Variants in SORCS1 observed in about 807,000 individuals in gnomAD.
SORCS1 encodes VPS10 domain-containing receptor SorCS1.
SORCS1 carries 60 observed loss-of-function variants against 146.1 expected under a neutral mutation model. That is an observed-to-expected ratio of 0.41 (90% confidence interval 0.33 to 0.51). SORCS1 has a LOEUF of 0.51. Among genes scored for constraint, SORCS1 ranks in the 20% least tolerant of loss-of-function variants. The pLI is 0.21. For synonymous variants in SORCS1, 637 were observed against 584.0 expected (o/e 1.09, Z -1.31); for missense variants, 1,352 against 1,487.6 (o/e 0.91, Z 1.50).
chr10:106,917,978 C>T (rs1371395774), intron 2 of SORCS1, among the ~76,000 whole-genome samples: 2 of 152,102 alleles, frequency 1.3e-5, no homozygotes. Flanking sequence ...TTTTGAACAT[C>T]CTTGGAACAG....
At chr10:106,829,908 G>C (rs929285619) in intron 2 of SORCS1, among the ~76,000 whole-genome samples, 1 of 152,164 alleles carries the variant, frequency 6.6e-6, no homozygotes, top group African/African-American at 2.4e-5. Context: ...CTTAATGTAC[G>C]CACATTGCAT....
chr10:107,152,019 C>T (rs545681908), intron 1 of SORCS1, among the ~76,000 whole-genome samples: 3 of 152,150 alleles, frequency 2.0e-5, no homozygotes, highest in Non-Finnish European at 4.4e-5. Flanking sequence ...GTGGACCAGG[C>T]CCAGAACCCA....
chr10:106,899,783 T>C (rs1462804565), intron 2 of SORCS1, among the ~76,000 whole-genome samples: 1 of 152,142 alleles, frequency 6.6e-6, no homozygotes, highest in Non-Finnish European at 1.5e-5. Flanking sequence ...CATAAGTTCC[T>C]GGCACCAGCA....
chr10:106,577,240 G>T lies in SORCS1; in HGVS notation c.*180C>A. ...CTCCATTCAAACATTTACATAGGTA[G>T]GGATTTCTTTTGTGCTTTGATTCTC... is the stretch of plus-strand genomic sequence containing the variant. On this transcript the variant is annotated 3_prime_UTR_variant, in exon 26 of 26. Transcript: ENST00000263054. 1 of 1,593,556 alleles carries T rather than the reference G, an allele frequency of 6.3e-7. No individual in the cohort carries two copies. Among genetic ancestry groups the T allele is most frequent in the Non-Finnish European group, 8.6e-7 (1 of 1,167,640 alleles).
At chr10:106,824,448 G>A (rs1463780037) in intron 3 of SORCS1, among the ~76,000 whole-genome samples, 3 of 151,922 alleles carry the variant, frequency 2.0e-5, no homozygotes, top group African/African-American at 7.3e-5. Flanking sequence ...AAATTAGCTG[G>A]GTGTGGTAGT....
rs1257045891 is a variant in SORCS1 at position 106,846,059 on chromosome 10, G to A, written c.627-16386C>T. Among the ~76,000 whole-genome samples the A allele has an allele frequency of 1.0e-4, 12 of 115,158 alleles. 2 individuals carry two copies. The highest frequency in any genetic ancestry group is 3.5e-4 in the South Asian group (1 of 2,882). 75.5% of individuals were successfully genotyped at this position (115,158 alleles called of 152,430 possible). On this transcript the variant is annotated intron_variant, in intron 2 of 25. Transcript: ENST00000263054. The stretch of plus-strand genomic sequence containing the variant: ...TCTTTTGGCTTAGGATTGACTTGGC[G>A]ATGCGGGCTCTTTTTTGGTTCCATA...
chr10:106,731,292 C>CAA (rs57238882), intron 5 of SORCS1, among the ~76,000 whole-genome samples: 21 of 23,744 alleles, frequency 8.8e-4, no homozygotes, highest in Non-Finnish European at 1.1e-3. Flanking sequence ...GACTCCGTCT[C>CAA]AAAAAAAAAA....
chr10:106,663,410 T>C (rs1334382266), intron 17 of SORCS1, among the ~76,000 whole-genome samples: 1 of 152,074 alleles, frequency 6.6e-6, no homozygotes, highest in African/African-American at 2.4e-5. Flanking sequence ...CAGATCACAG[T>C]TGTGTGGGGA....
At chr10:106,928,035 T>C (rs552117925) in intron 2 of SORCS1, among the ~76,000 whole-genome samples, 182 of 152,378 alleles carry the variant, frequency 1.2e-3, no homozygotes, top group Non-Finnish European at 2.1e-3. Flanking sequence ...GGAGCCCAGC[T>C]GGCTTCACCC....
chr10:106,646,242 G>C (rs530775715), intron 18 of SORCS1, among the ~76,000 whole-genome samples: 1 of 151,998 alleles, frequency 6.6e-6, no homozygotes, highest in East Asian at 1.9e-4. Flanking sequence ...GACAAAGGTA[G>C]ACTCCATCTC....
intron 1 of SORCS1, among the ~76,000 whole-genome samples, chr10:107,091,049 G>C (rs1012886009): frequency 1.3e-5 from 2 of 152,176 alleles, no homozygotes; most frequent in African/African-American, 2.4e-5. Flanking sequence ...GTGTCTAGAG[G>C]AAAAAGTAAA....
At chr10:106,616,406 C>T (rs1427564126) in intron 21 of SORCS1, among the ~76,000 whole-genome samples, 1 of 152,090 alleles carries the variant, frequency 6.6e-6, no homozygotes, top group East Asian at 1.9e-4. Flanking sequence ...GGTTGCAAAC[C>T]CAGCTGCACC....
chr10:106,703,446 T>G (rs183077045), intron 8 of SORCS1, among the ~76,000 whole-genome samples: 9 of 152,288 alleles, frequency 5.9e-5, no homozygotes, highest in Admixed American at 5.9e-4. Flanking sequence ...CTCACTTGAG[T>G]AGCTCAGAAT....
intron 3 of SORCS1, among the ~76,000 whole-genome samples, chr10:106,801,819 C>T (rs909848858): frequency 4.6e-5 from 7 of 152,052 alleles, no homozygotes; most frequent in African/African-American, 9.7e-5. Flanking sequence ...CGTGAGCCAC[C>T]GTGCCCAGCT....
At chr10:106,645,493 T>TG (rs1466949049) in intron 18 of SORCS1, among the ~76,000 whole-genome samples, 2 of 152,112 alleles carry the variant, frequency 1.3e-5, no homozygotes, top group Non-Finnish European at 2.9e-5. Flanking sequence ...GCACCCAGCC[T>TG]ATTATTAGTC....
At chr10:106,762,305 T>G (rs1327777373) in intron 4 of SORCS1, among the ~76,000 whole-genome samples, 1 of 152,064 alleles carries the variant, frequency 6.6e-6, no homozygotes, top group Non-Finnish European at 1.5e-5. Context: ...TGTAAGCTTA[T>G]CTAAGTAATA....
chr10:106,593,193 A>G (rs1253583043), intron 24 of SORCS1, among the ~76,000 whole-genome samples: 1 of 151,702 alleles, frequency 6.6e-6, no homozygotes, highest in African/African-American at 2.4e-5. Flanking sequence ...TACCCTACCA[A>G]AGTGCCAAGT....
chr10:106,722,120 T>TATACACAC (rs1554909638), intron 6 of SORCS1, among the ~76,000 whole-genome samples: 2 of 144,268 alleles, frequency 1.4e-5, no homozygotes, highest in Non-Finnish European at 3.0e-5. Context: ...AATATATAAA[T>TATACACAC]ACACACACAC....
intron 15 of SORCS1, among the ~76,000 whole-genome samples, chr10:106,671,600 G>T (rs1354707870): frequency 6.6e-6 from 1 of 152,170 alleles, no homozygotes; most frequent in Non-Finnish European, 1.5e-5. Flanking sequence ...TTAATTTTGT[G>T]TGCACTTATC....
Sources: gnomAD v4.1 joint callset for allele counts (sites outside exome capture counted in the v4.1 genomes callset) on GRCh38, gnomAD v4.1.1 for gene constraint, MANE v1.5 for transcripts, NCBI Gene and HGNC (gene_info 2026-07-23, HGNC 2026-07-21) for gene names.